Variants in CALD1 observed in about 807,000 individuals in gnomAD.
CALD1 encodes the protein caldesmon 1.
In CALD1, 33 loss-of-function variants were observed where a neutral mutation model predicts 99.9. The observed-to-expected ratio is 0.33, with a 90% CI of 0.25 to 0.44. The LOEUF (loss-of-function observed/expected upper bound fraction) is 0.44. Ranked by LOEUF, CALD1 falls within the 20% of genes least tolerant of loss-of-function variation. The probability of loss-of-function intolerance (pLI) is 1.00; values close to 1 mark genes in which losing one functional copy is unlikely to be tolerated. For missense variants in CALD1, 861 were observed against 962.1 expected, an observed-to-expected ratio of 0.89 and a Z score of 1.39; for synonymous variants, 310 against 325.0, an observed-to-expected ratio of 0.95 and a Z score of 0.50.
intron 3 of CALD1, among the ~76,000 whole-genome samples, chr7:134,913,380 T>C (rs758835826): frequency 3.3e-5 from 5 of 152,228 alleles, no homozygotes; most frequent in African/African-American, 4.8e-5. Flanking sequence ...AGCCAAGATG[T>C]TTCAAAAATA....
At chr7:134,919,661 G>T (rs1293843785) in intron 3 of CALD1, among the ~76,000 whole-genome samples, 2 of 152,160 alleles carry the variant, frequency 1.3e-5, no homozygotes, top group Admixed American at 1.3e-4. Flanking sequence ...GGGAATAAAT[G>T]AAGTGGGAAA....
chr7:134,795,227 A>C (rs898355935), intron 1 of CALD1, among the ~76,000 whole-genome samples: 2 of 152,094 alleles, frequency 1.3e-5, no homozygotes, highest in African/African-American at 2.4e-5. Context: ...GAGCCCCCAT[A>C]ATTCCCACGT....
At chr7:134,791,126 T>G (rs1024051394) in intron 1 of CALD1, among the ~76,000 whole-genome samples, 1 of 152,248 alleles carries the variant, frequency 6.6e-6, no homozygotes, top group Non-Finnish European at 1.5e-5. Context: ...AAGTTTGACC[T>G]TCTTGTCCAA....
chr7:134,764,236 C>G (rs528185697), intron 1 of CALD1, among the ~76,000 whole-genome samples: 2 of 152,128 alleles, frequency 1.3e-5, no homozygotes, highest in Non-Finnish European at 2.9e-5. Context: ...CCACACTCAC[C>G]GTTCCCCAGG....
At chr7:134,894,455 C>T (rs1234221540) in intron 3 of CALD1, among the ~76,000 whole-genome samples, 2 of 152,130 alleles carry the variant, frequency 1.3e-5, no homozygotes, top group African/African-American at 4.8e-5. Context: ...ACTCAATTCC[C>T]CTTAGTTTAC....
chr7:134,954,774 C>T (rs1403196376), intron 9 of CALD1, among the ~76,000 whole-genome samples: 1 of 152,148 alleles, frequency 6.6e-6, no homozygotes, highest in Non-Finnish European at 1.5e-5. Flanking sequence ...TTTCTTTATC[C>T]CCAGTCTCAC....
intron 9 of CALD1, among the ~76,000 whole-genome samples, chr7:134,956,594 T>G (rs1287628913): frequency 6.6e-6 from 1 of 152,192 alleles, no homozygotes; most frequent in Non-Finnish European, 1.5e-5. Flanking sequence ...AATCTTAGAC[T>G]TCCCAGTCTC....
intron 1 of CALD1, among the ~76,000 whole-genome samples, chr7:134,758,128 C>A (rs908424263): frequency 1.3e-5 from 2 of 152,080 alleles, no homozygotes; most frequent in Non-Finnish European, 2.9e-5. Flanking sequence ...GCTGAGTGTG[C>A]GGGTGATGCT....
In CALD1 at chr7:134,947,591, T is replaced by TTCG. The variant is rs1246074479; in HGVS notation, c.1626_1628dup (p.Arg543dup). The TTCG allele has an allele frequency of 4.5e-6, 7 of 1,560,638 alleles. No homozygotes were observed. Among genetic ancestry groups the TTCG allele is most frequent in the South Asian group, 1.2e-5 (1 of 84,834 alleles). On this transcript the variant is annotated inframe_insertion, in exon 8 of 15. Coordinates refer to ENST00000361675, the MANE Select transcript of CALD1 (RefSeq NM_033138.4). ...GAAGCCGGCAAAAGGCTGGAGGAGC[T>TTCG]TCGTCGTCGTCGCGGGGAGACCGAG...
chr7:134,724,022 C>A, the CALD1 span, among the ~76,000 whole-genome samples: 1 of 152,138 alleles, frequency 6.6e-6, no homozygotes, highest in African/African-American at 2.4e-5. Context: ...GATGTGGGGC[C>A]TCTTGCATGC....
chr7:134,886,333 C>G (rs1801849649), intron 3 of CALD1, among the ~76,000 whole-genome samples: 1 of 152,104 alleles, frequency 6.6e-6, no homozygotes, highest in African/African-American at 2.4e-5. Flanking sequence ...CACTAGAATT[C>G]AGAGAAGCAA....
At chr7:134,861,613 A>T (rs920181424) in intron 2 of CALD1, among the ~76,000 whole-genome samples, 1 of 152,238 alleles carries the variant, frequency 6.6e-6, no homozygotes, top group African/African-American at 2.4e-5. Context: ...CCAGGAAGGC[A>T]AAGACCTTTT....
At chr7:134,907,507 C>T (rs984791947) in intron 3 of CALD1, among the ~76,000 whole-genome samples, 3 of 152,082 alleles carry the variant, frequency 2.0e-5, no homozygotes, top group Non-Finnish European at 4.4e-5. Flanking sequence ...CAAGCCCAAC[C>T]CTTCTTAAAA....
At chr7:134,779,618 T>A, upstream of CALD1, 1 of 398,202 alleles carries the variant, frequency 2.5e-6, no homozygotes, top group Middle Eastern at 6.3e-4. Flanking sequence ...CGGTCTGGAG[T>A]TTTATTGAAT....
intron 2 of CALD1, among the ~76,000 whole-genome samples, chr7:134,844,560 C>T (rs1021126903): frequency 2.0e-5 from 3 of 152,194 alleles, no homozygotes; most frequent in African/African-American, 7.2e-5. Context: ...AAAAGTTCTT[C>T]AGGAGTTCAG....
At chr7:134,753,234 T>C (rs1796700702) in intron 1 of CALD1, among the ~76,000 whole-genome samples, 2 of 152,178 alleles carry the variant, frequency 1.3e-5, no homozygotes, top group Admixed American at 6.5e-5. Flanking sequence ...TTGTGATGAC[T>C]TGATAAACCC....
chr7:134,905,168 G>T (rs1354546814), intron 3 of CALD1, among the ~76,000 whole-genome samples: 2 of 152,006 alleles, frequency 1.3e-5, no homozygotes, highest in Non-Finnish European at 2.9e-5. Context: ...AATCTTTTCT[G>T]CCCAATTCCC....
chr7:134,955,931 C>T (rs1325946372), intron 9 of CALD1, among the ~76,000 whole-genome samples: 7 of 151,988 alleles, frequency 4.6e-5, no homozygotes, highest in East Asian at 1.9e-4. Flanking sequence ...GACGGACGGA[C>T]GGATGGGTAA....
At chr7:134,843,489 C>T (rs570032150) in intron 1 of CALD1, among the ~76,000 whole-genome samples, 48 of 152,340 alleles carry the variant, frequency 3.2e-4, no homozygotes, top group African/African-American at 1.1e-3. Flanking sequence ...AGTTCATGGA[C>T]ATACATAGAC....
Sources: gnomAD v4.1 joint callset for allele counts (sites outside exome capture counted in the v4.1 genomes callset) on GRCh38, gnomAD v4.1.1 for gene constraint, MANE v1.5 for transcripts, NCBI Gene and HGNC (gene_info 2026-07-23, HGNC 2026-07-21) for gene names.